Variants in SLC37A2 observed in about 807,000 individuals in gnomAD.
SLC37A2 encodes the protein glucose-6-phosphate exchanger SLC37A2.
SLC37A2 carries 59 observed loss-of-function variants against 70.7 expected under a neutral mutation model. That is an observed-to-expected ratio of 0.83 (90% CI 0.68 to 1.04). The LOEUF (loss-of-function observed/expected upper bound fraction) is 1.04. Ranked by LOEUF, SLC37A2 falls within the 50% of genes least tolerant of loss-of-function variation. SLC37A2 has a pLI of 0.00. For missense variants in SLC37A2, 580 were observed against 658.1 expected, an observed-to-expected ratio of 0.88 and a Z score of 1.30; for synonymous variants, 257 against 262.1, an observed-to-expected ratio of 0.98 and a Z score of 0.19.
At chr11:125,081,566 C>T in intron 8 of SLC37A2, 108 bp downstream of exon 8, 2 of 1,436,074 alleles carry the variant, frequency 1.4e-6, no homozygotes, top group South Asian at 1.4e-5. Context: ...CCTCACTGAC[C>T]TCACCGACCC....
chr11:125,087,140 C>T (rs527988395), intron 17 of SLC37A2: 62 of 152,734 alleles, frequency 4.1e-4, no homozygotes, highest in African/African-American at 1.4e-3. Context: ...CAGCAGAAAG[C>T]GAGGAGGATT....
In SLC37A2 at chr11:125,088,813, T is replaced by G. The variant is rs4936977; in HGVS notation, c.*679T>G. 1 of 152,176 alleles carries G rather than the reference T, an allele frequency of 6.6e-6. No individual in the cohort carries two copies. Among genetic ancestry groups the G allele is most frequent in the Non-Finnish European group, 1.5e-5 (1 of 68,076 alleles). 9.4% of individuals were successfully genotyped at this position (152,176 alleles called of 1,614,324 possible). Reference sequence around the variant, plus strand: ...TGCCTCCCTTGCCTCACTCTGATCCTGGCCCCATAATGTCCTCAGTGGAAG... The same window carrying G: ...TGCCTCCCTTGCCTCACTCTGATCCGGGCCCCATAATGTCCTCAGTGGAAG... On this transcript the variant is annotated 3_prime_UTR_variant, in exon 18 of 18. Coordinates refer to ENST00000403796, the MANE Select transcript of SLC37A2 (RefSeq NM_001145290.2).
Position 125,063,504 on chromosome 11 carries a change from A to G in SLC37A2, c.59+78A>G. On this transcript the variant is annotated intron_variant, in intron 1 of 17. Coordinates refer to ENST00000403796, the MANE Select transcript of SLC37A2 (RefSeq NM_001145290.2). The surrounding 1 kb of genome is among the most constrained non-coding windows in gnomAD (Gnocchi z 5.4). ...GCAGGGGCCGCGGGGGGCCTCGGAG[A>G]TCACCCCAGATCGGCCCCGGCGTCG... 1.5e-6 allele frequency: 2 copies of G among 1,336,426 alleles called. No homozygotes were observed. The highest frequency in any genetic ancestry group is 2.1e-6 in the Non-Finnish European group (2 of 968,110). 82.8% of individuals were successfully genotyped at this position (1,336,426 alleles called of 1,614,324 possible).
intron 1 of SLC37A2, among the ~76,000 whole-genome samples, chr11:125,067,244 A>G (rs1031272850): frequency 2.6e-5 from 4 of 151,964 alleles, no homozygotes; most frequent in African/African-American, 9.7e-5. Context: ...CTCCCACCTC[A>G]TCCTCCCAAA....
At chr11:125,065,556 G>T (rs750151406) in intron 1 of SLC37A2, among the ~76,000 whole-genome samples, 9 of 152,158 alleles carry the variant, frequency 5.9e-5, no homozygotes, top group Non-Finnish European at 1.0e-4. Flanking sequence ...GCCAGAGAGT[G>T]ACCTTCCTTT....
Position 125,084,427 on chromosome 11 carries a change from A to T in SLC37A2, c.1125+108A>T, listed in dbSNP as rs1949182237. On this transcript the variant is annotated intron_variant, in intron 12 of 17. Transcript: ENST00000403796. ...GTTACACACATTGATGTCGCTGTGT[A>T]CGCGTGCACATGCATCATTGTGCAC... is the stretch of plus-strand genomic sequence containing the variant. 7.1e-6 allele frequency: 8 copies of T among 1,128,926 alleles called. No homozygotes were observed. In the South Asian group the frequency reaches 1.0e-4, roughly 15 times the overall value. 69.9% of individuals were successfully genotyped at this position (1,128,926 alleles called of 1,614,324 possible).
At chr11:125,077,751 T>A (rs1949105366) in intron 4 of SLC37A2, among the ~76,000 whole-genome samples, 1 of 152,224 alleles carries the variant, frequency 6.6e-6, no homozygotes, top group African/African-American at 2.4e-5. Flanking sequence ...TCCTGGATGC[T>A]GCTTTTGAGT....
chr11:125,079,568 G>A, intron 5 of SLC37A2, 116 bp from the exon 6 acceptor site: 4 of 750,894 alleles, frequency 5.3e-6, no homozygotes, highest in Non-Finnish European at 9.0e-6. Context: ...TTGTAGTGTG[G>A]GGTATGGAGG....
intron 1 of SLC37A2, among the ~76,000 whole-genome samples, chr11:125,066,313 G>T (rs142732765): frequency 6.6e-6 from 1 of 152,296 alleles, no homozygotes; most frequent in Non-Finnish European, 1.5e-5. Context: ...GAGGTGGGAG[G>T]ATCCCTTAAG....
intron 1 of SLC37A2, among the ~76,000 whole-genome samples, chr11:125,072,531 C>G (rs550898670): frequency 6.6e-6 from 1 of 152,234 alleles, no homozygotes; most frequent in African/African-American, 2.4e-5. Context: ...CTGCCATCCC[C>G]CCGTCACAGC....
rs1310865088 is a variant in SLC37A2 at position 125,088,143 on chromosome 11, T to C, written c.*9T>C. The C allele has an allele frequency of 7.7e-6, 12 of 1,551,590 alleles. No individual in the cohort carries two copies. The highest frequency in any genetic ancestry group is 3.9e-5 in the Admixed American group (2 of 50,940). On this transcript the variant is annotated 3_prime_UTR_variant, in exon 18 of 18. Coordinates refer to ENST00000403796, the MANE Select transcript of SLC37A2 (RefSeq NM_001145290.2). ...GGTATAAAGAAATATGAGGCCCCAA[T>C]TGGAACAGCAGCATGGAGGGTCCCA...
intron 5 of SLC37A2, 98 bp from the exon 6 acceptor site, chr11:125,079,586 G>A: frequency 2.1e-6 from 2 of 933,524 alleles, no homozygotes; most frequent in Admixed American, 2.2e-5. Context: ...AGGGCCCCTT[G>A]GCCACGAAAT....
At chr11:125,073,195 T>C (rs1949047598) in intron 1 of SLC37A2, among the ~76,000 whole-genome samples, 1 of 152,190 alleles carries the variant, frequency 6.6e-6, no homozygotes, top group African/African-American at 2.4e-5. Flanking sequence ...CTTTCCTGTC[T>C]GCCCACGGGA....
Position 125,085,645 on chromosome 11 carries a change from C to G in SLC37A2, c.1396C>G (p.Leu466Val), listed in dbSNP as rs775434466. Residue 466 changes from leucine to valine, a missense_variant, in exon 16 of 18, where the codon CTC becomes GTC. Coordinates refer to ENST00000403796, the MANE Select transcript of SLC37A2 (RefSeq NM_001145290.2). ...PTGWNNVFYM[L>V]ISADVLACLL... ...GGGCTGGAACAATGTCTTCTACATGCTCATCTCTGCCGACGTCCTAGCCTG... is the reference window on the plus strand; with the variant it reads ...GGGCTGGAACAATGTCTTCTACATGGTCATCTCTGCCGACGTCCTAGCCTG... 6.2e-7 allele frequency: 1 copy of G among 1,613,598 alleles called. No individual in the cohort carries two copies.
In SLC37A2 at chr11:125,083,853, C is replaced by G. The variant is rs745411104; in HGVS notation, c.1015C>G (p.Leu339Val). The G allele has an allele frequency of 3.7e-6, 6 of 1,614,196 alleles. No homozygotes were observed. The South Asian group carries it at 4.4e-5, about 12-fold the overall frequency. ...CAAGGAGGCTGGGGACCTGTCTACA[C>G]TCTTCGATGTTGGTGGCATCATAGG... is the stretch of plus-strand genomic sequence containing the variant. ...SAKEAGDLST[L>V]FDVGGIIGGI... is the part of the protein sequence containing the mutation. Residue 339 changes from leucine to valine, a missense_variant, in exon 11 of 18, where the codon CTC becomes GTC. Transcript: ENST00000403796. The surrounding 1 kb of genome is among the most constrained non-coding windows in gnomAD (Gnocchi z 4.6).
In SLC37A2 at chr11:125,084,793, G is replaced by C. The variant is rs938233637; in HGVS notation, c.1126-32G>C. ...GCTCCAGGCCAGCAAAGGGATTCCGGGTGACTCTGCCTCTCCCCTCTCCTC... is the reference window on the plus strand; with the variant it reads ...GCTCCAGGCCAGCAAAGGGATTCCGCGTGACTCTGCCTCTCCCCTCTCCTC... On this transcript the variant is annotated intron_variant, in intron 12 of 17. Transcript: ENST00000403796. 2.5e-6 allele frequency: 4 copies of C among 1,610,520 alleles called. No homozygotes were observed. In the African/African-American group the frequency reaches 4.0e-5, roughly 16 times the overall value.
intron 9 of SLC37A2, 104 bp from the exon 10 acceptor site, chr11:125,082,140 C>G: frequency 3.5e-6 from 4 of 1,153,128 alleles, no homozygotes; most frequent in Non-Finnish European, 5.2e-6. Context: ...CCTTGTGTGG[C>G]AGGTGATGGA....
At chr11:125,075,037 T>A (rs867865934) in intron 1 of SLC37A2, among the ~76,000 whole-genome samples, 2 of 152,080 alleles carry the variant, frequency 1.3e-5, no homozygotes, top group East Asian at 3.9e-4. Context: ...GGACTGATAC[T>A]AGCGCAATGT....
chr11:125,076,367 T>G (rs1014022233), intron 1 of SLC37A2, among the ~76,000 whole-genome samples: 2 of 152,008 alleles, frequency 1.3e-5, no homozygotes, highest in South Asian at 4.2e-4. Flanking sequence ...ACCCCCATCA[T>G]TTTAGACATG....
Sources: gnomAD v4.1 joint callset for allele counts (sites outside exome capture counted in the v4.1 genomes callset) on GRCh38, gnomAD v4.1.1 for gene constraint, Gnocchi (gnomAD v3.1) non-coding constraint, MANE v1.5 for transcripts, NCBI Gene and HGNC (gene_info 2026-07-23, HGNC 2026-07-21) for gene names.